CTNNBL1: variants seen among roughly 807,000 people sequenced by gnomAD.
CTNNBL1 encodes catenin beta like 1.
A neutral mutation model predicts 72.7 loss-of-function variants in CTNNBL1; 31 were observed. That is an observed-to-expected ratio of 0.43 (90% CI 0.32 to 0.58). The LOEUF (loss-of-function observed/expected upper bound fraction) is 0.58. Ranked by LOEUF, CTNNBL1 falls within the 20% of genes least tolerant of loss-of-function variation. The probability of loss-of-function intolerance (pLI) is 0.08; values close to 1 mark genes in which losing one functional copy is unlikely to be tolerated. For missense variants in CTNNBL1, 534 were observed against 725.1 expected, an observed-to-expected ratio of 0.74 and a Z score of 3.03; for synonymous variants, 240 against 267.3, an observed-to-expected ratio of 0.90 and a Z score of 1.00.
intron 3 of CTNNBL1, among the ~76,000 whole-genome samples, chr20:37,740,281 C>T (rs1258572292): frequency 2.0e-5 from 3 of 151,918 alleles, no homozygotes; most frequent in East Asian, 1.9e-4. Context: ...CAGTGTCTTT[C>T]GTAATTCTCT....
chr20:37,861,698 G>T lies in CTNNBL1; in HGVS notation c.1603+1354G>T, dbSNP rs115103948. Among the ~76,000 whole-genome samples, 252 of 152,318 alleles carry T rather than the reference G, an allele frequency of 1.7e-3. 1 individual carries two copies. Among genetic ancestry groups the T allele is most frequent in the African/African-American group, 5.8e-3 (242 of 41,568 alleles). On this transcript the variant is annotated intron_variant, in intron 15 of 15. Coordinates refer to ENST00000361383, the MANE Select transcript of CTNNBL1 (RefSeq NM_030877.5). ...TGGGCTCTAGGGTCAGAGGCTTGTGGATCCAAATCTTGGCTCTGTTGTTTA... is the reference window on the plus strand; with the variant it reads ...TGGGCTCTAGGGTCAGAGGCTTGTGTATCCAAATCTTGGCTCTGTTGTTTA...
At chr20:37,864,809 G>T (rs1009442905) in intron 15 of CTNNBL1, among the ~76,000 whole-genome samples, 2 of 129,700 alleles carry the variant, frequency 1.5e-5, no homozygotes, top group Non-Finnish European at 3.3e-5. Flanking sequence ...TGGGGTGCGT[G>T]CTGAGGTGGT....
At chr20:37,829,668 G>A (rs549532937) in intron 11 of CTNNBL1, among the ~76,000 whole-genome samples, 1 of 152,048 alleles carries the variant, frequency 6.6e-6, no homozygotes, top group South Asian at 2.1e-4. Context: ...CTGTCCGCTT[G>A]GCATATTCTT....
At position 37,721,835 on chromosome 20, in the gene CTNNBL1, G is replaced by A. The variant is rs1309864696; in HGVS notation, c.31-11044G>A. 2.6e-5 allele frequency among the ~76,000 whole-genome samples: 4 copies of A among 152,122 alleles called. No individual in the cohort carries two copies. In the East Asian group the frequency reaches 5.8e-4, roughly 22 times the overall value. On this transcript the variant is annotated intron_variant, in intron 1 of 15. Coordinates refer to ENST00000361383, the MANE Select transcript of CTNNBL1 (RefSeq NM_030877.5). ...TCTTTAAATAACTACTTGTGTATAT[G>A]TGTGAGCATTTCTCTAGTGTCTATG...
At chr20:37,696,087 A>G (rs1343023461) in intron 1 of CTNNBL1, among the ~76,000 whole-genome samples, 2 of 152,232 alleles carry the variant, frequency 1.3e-5, no homozygotes, top group African/African-American at 2.4e-5. Context: ...TTAAAGCTAG[A>G]AGAGTTTCAT....
chr20:37,787,124 ATTT>A (rs556666829), intron 10 of CTNNBL1, among the ~76,000 whole-genome samples: 1 of 129,250 alleles, frequency 7.7e-6, no homozygotes, highest in Non-Finnish European at 1.7e-5. Flanking sequence ...TATCCTTAGC[ATTT>A]TTTTTTTTTT....
chr20:37,779,434 G>A (rs1473398887), intron 10 of CTNNBL1, 99 bp downstream of exon 10: 3 of 1,401,542 alleles, frequency 2.1e-6, no homozygotes, highest in African/African-American at 1.4e-5. Flanking sequence ...TATTCTGTTG[G>A]GTTTCCTAGA....
intron 11 of CTNNBL1, among the ~76,000 whole-genome samples, chr20:37,830,864 G>A (rs1334108685): frequency 6.6e-6 from 1 of 151,994 alleles, no homozygotes; most frequent in East Asian, 1.9e-4. Flanking sequence ...ATTGAATATT[G>A]TACTGAAAGT....
intron 3 of CTNNBL1, among the ~76,000 whole-genome samples, chr20:37,740,516 C>T (rs1179918008): frequency 6.6e-6 from 1 of 152,250 alleles, no homozygotes; most frequent in African/African-American, 2.4e-5. Context: ...CTAAACACCA[C>T]ATTGACTAGA....
At chr20:37,748,165 A>G (rs1213700276) in intron 4 of CTNNBL1, among the ~76,000 whole-genome samples, 1 of 152,004 alleles carries the variant, frequency 6.6e-6, no homozygotes, top group African/African-American at 2.4e-5. Flanking sequence ...GCTTCATGTT[A>G]TTTTCATCTT....
intron 11 of CTNNBL1, among the ~76,000 whole-genome samples, chr20:37,823,520 A>G (rs937016053): frequency 2.6e-5 from 4 of 152,186 alleles, no homozygotes; most frequent in African/African-American, 9.6e-5. Context: ...TTGCTGCTTA[A>G]TGTGGGAAGA....
intron 2 of CTNNBL1, among the ~76,000 whole-genome samples, chr20:37,734,571 G>T (rs1017562141): frequency 1.3e-5 from 2 of 152,230 alleles, no homozygotes; most frequent in Admixed American, 6.5e-5. Context: ...CAACCCGTCT[G>T]TTAAGGGACA....
chr20:37,840,000 G>A (rs2072288658), intron 11 of CTNNBL1, 102 bp from the exon 12 acceptor site: 4 of 760,646 alleles, frequency 5.3e-6, no homozygotes, highest in Non-Finnish European at 6.7e-6. Context: ...CAGTCAGAAA[G>A]GCCTACTTAT....
At position 37,777,168 on chromosome 20, in the gene CTNNBL1, A is replaced by G. The variant is rs556808245; in HGVS notation, c.751-177A>G. ...GTGAGAGCCATTGTTTCAATCTGTC[A>G]CTTTACTTGGTTCTGGTCTCTTGAG... On this transcript the variant is annotated intron_variant, in intron 7 of 15. Transcript: ENST00000361383. 3.9e-3 allele frequency: 2,168 copies of G among 559,096 alleles called. 7 individuals are homozygous for G. The highest frequency in any genetic ancestry group is 6.0e-3 in the Non-Finnish European group (1,852 of 308,988). The allele number at this position is 559,096 out of a possible 1,614,324, so 34.6% of individuals were successfully genotyped here.
At chr20:37,855,673 G>A (rs149768164) in intron 13 of CTNNBL1, among the ~76,000 whole-genome samples, 6 of 152,266 alleles carry the variant, frequency 3.9e-5, no homozygotes, top group African/African-American at 1.2e-4. Flanking sequence ...GCTCTAAGCC[G>A]ATGTGTCCAT....
At chr20:37,865,982 T>C (rs545793550) in intron 15 of CTNNBL1, among the ~76,000 whole-genome samples, 4 of 152,372 alleles carry the variant, frequency 2.6e-5, no homozygotes, top group African/African-American at 9.6e-5. Context: ...TTTGGGGCTC[T>C]TGGTAACCCA....
At chr20:37,760,805 C>T (rs1356871265) in intron 5 of CTNNBL1, among the ~76,000 whole-genome samples, 1 of 152,154 alleles carries the variant, frequency 6.6e-6, no homozygotes, top group Non-Finnish European at 1.5e-5. Flanking sequence ...AAGCATTTAG[C>T]AAATGTCAGG....
chr20:37,824,286 A>C (rs1256779064), intron 11 of CTNNBL1, among the ~76,000 whole-genome samples: 1 of 152,268 alleles, frequency 6.6e-6, no homozygotes, highest in East Asian at 1.9e-4. Context: ...TTCGGAGTCC[A>C]TGTGTAATAA....
chr20:37,699,357 G>C (rs572243777), intron 1 of CTNNBL1, among the ~76,000 whole-genome samples: 1 of 152,208 alleles, frequency 6.6e-6, no homozygotes, highest in African/African-American at 2.4e-5. Context: ...AGTGTTTTCA[G>C]ACAAGTTATC....
Sources: gnomAD v4.1 joint callset for allele counts (sites outside exome capture counted in the v4.1 genomes callset) on GRCh38, gnomAD v4.1.1 for gene constraint, MANE v1.5 for transcripts, NCBI Gene and HGNC (gene_info 2026-07-23, HGNC 2026-07-21) for gene names.